NME7: variants seen among roughly 807,000 people sequenced by gnomAD.
The protein encoded by NME7 is NME/NM23 family member 7, also known as nucleoside diphosphate kinase 7.
NME7 carries 41 observed loss-of-function variants against 49.1 expected under a neutral mutation model. That is an observed-to-expected ratio of 0.83 (90% CI 0.65 to 1.08). The LOEUF (loss-of-function observed/expected upper bound fraction) is 1.08, where lower values mean the gene tolerates loss of function less well. Ranked by LOEUF, NME7 falls within the 50% of genes least tolerant of loss-of-function variation. The pLI, the probability that NME7 is intolerant of heterozygous loss-of-function variation, is 0.00. For missense variants in NME7, 423 were observed against 463.4 expected, an observed-to-expected ratio of 0.91 and a Z score of 0.80; for synonymous variants, 139 against 150.6, an observed-to-expected ratio of 0.92 and a Z score of 0.56.
intron 7 of NME7, among the ~76,000 whole-genome samples, chr1:169,262,538 C>T (rs1485994555): frequency 7.5e-6 from 1 of 133,474 alleles, no homozygotes; most frequent in Non-Finnish European, 1.8e-5. Flanking sequence ...CTAGTGAACA[C>T]GGGTTCTGCA....
chr1:169,289,658 A>G (rs562485594), intron 6 of NME7, among the ~76,000 whole-genome samples: 3 of 152,246 alleles, frequency 2.0e-5, no homozygotes, highest in Admixed American at 2.0e-4. Context: ...TTTTTGTCTC[A>G]ACTTTCCTTT....
At position 169,176,754 on chromosome 1, in the gene NME7, C is replaced by A. The variant is rs144805751; in HGVS notation, c.991-7200G>T. On this transcript the variant is annotated intron_variant, in intron 10 of 11. Transcript: ENST00000367811. ...TTGGTTCTTTTTTAAAAGAATTGGGCATTCTTCAGAAGGATGAGCTCAACT... is the reference window on the plus strand; with the variant it reads ...TTGGTTCTTTTTTAAAAGAATTGGGAATTCTTCAGAAGGATGAGCTCAACT... Among the ~76,000 whole-genome samples, 345 of 152,040 alleles carry A rather than the reference C, an allele frequency of 2.3e-3. 5 individuals carry two copies. The highest frequency in any genetic ancestry group is 8.1e-3 in the African/African-American group (334 of 41,448).
intron 7 of NME7, among the ~76,000 whole-genome samples, chr1:169,253,103 G>T (rs962561153): frequency 3.9e-5 from 6 of 152,206 alleles, no homozygotes; most frequent in Admixed American, 6.5e-5. Flanking sequence ...GTGAAGAAAG[G>T]CATTGGTAGC....
intron 6 of NME7, among the ~76,000 whole-genome samples, chr1:169,293,437 C>G (rs1183520370): frequency 6.6e-6 from 1 of 152,012 alleles, no homozygotes; most frequent in Non-Finnish European, 1.5e-5. Context: ...TTATCTCACA[C>G]AATTTATTGA....
intron 4 of NME7, 41 bp from the exon 5 acceptor site, chr1:169,303,236 A>G (rs1651019056): frequency 1.9e-6 from 2 of 1,046,392 alleles, no homozygotes; most frequent in Admixed American, 2.2e-5. Context: ...GAATTATAAA[A>G]TTAAACACTT....
intron 1 of NME7, among the ~76,000 whole-genome samples, chr1:169,345,922 C>CT (rs1652938458): frequency 6.6e-6 from 1 of 152,168 alleles, no homozygotes; most frequent in Non-Finnish European, 1.5e-5. Context: ...CAACGCTATC[C>CT]TTACCATTGC....
At position 169,309,251 on chromosome 1, in the gene NME7, T is replaced by C. The variant is rs116148250; in HGVS notation, c.389+719A>G. 1.9e-3 allele frequency among the ~76,000 whole-genome samples: 293 copies of C among 152,310 alleles called. 4 individuals are homozygous for C. The highest frequency in any genetic ancestry group is 6.8e-3 in the African/African-American group (284 of 41,568). On this transcript the variant is annotated intron_variant, in intron 4 of 11. Coordinates refer to ENST00000367811, the MANE Select transcript of NME7 (RefSeq NM_013330.5). ...TTTGTTGCCTGGTGTAATGCCTACA[T>C]GACAGCTGAATTTCTACCCTGTCCT...
intron 1 of NME7, among the ~76,000 whole-genome samples, chr1:169,327,132 C>T (rs1652088132): frequency 6.6e-6 from 1 of 152,156 alleles, no homozygotes; most frequent in South Asian, 2.1e-4. Context: ...CTTCCAGGGC[C>T]AACTCAAGAG....
chr1:169,132,900 A>T, intron 11 of NME7, 83 bp from the exon 12 acceptor site: 1 of 989,276 alleles, frequency 1.0e-6, no homozygotes. Context: ...GTTGGTCAGG[A>T]CTTCAGACAC....
chr1:169,168,192 T>A (rs1411639445), intron 11 of NME7, among the ~76,000 whole-genome samples: 1 of 152,192 alleles, frequency 6.6e-6, no homozygotes, highest in East Asian at 1.9e-4. Flanking sequence ...CATACACTTG[T>A]CTTTCAAGTC....
At chr1:169,217,471 C>T (rs1384766673) in intron 10 of NME7, among the ~76,000 whole-genome samples, 3 of 152,078 alleles carry the variant, frequency 2.0e-5, no homozygotes, top group South Asian at 4.2e-4. Context: ...ATTAAATTAA[C>T]TATATTGTTA....
chr1:169,277,426 T>C (rs1649782226), intron 7 of NME7, among the ~76,000 whole-genome samples: 1 of 134,064 alleles, frequency 7.5e-6, no homozygotes. Context: ...AATTGATCCC[T>C]TTACCAATAT....
intron 10 of NME7, among the ~76,000 whole-genome samples, chr1:169,203,767 C>A (rs564753399): frequency 6.6e-6 from 1 of 152,146 alleles, no homozygotes; most frequent in East Asian, 1.9e-4. Context: ...TCTCTTTAAC[C>A]CTTAGGGAAG....
At chr1:169,188,401 T>C (rs1660132698) in intron 10 of NME7, among the ~76,000 whole-genome samples, 1 of 152,210 alleles carries the variant, frequency 6.6e-6, no homozygotes, top group African/African-American at 2.4e-5. Flanking sequence ...CTTTGGAAAC[T>C]TGATTGTTCA....
At chr1:169,260,339 A>T (rs943175632) in intron 7 of NME7, among the ~76,000 whole-genome samples, 3 of 133,476 alleles carry the variant, frequency 2.2e-5, no homozygotes, top group Admixed American at 2.2e-4. Context: ...TTTCTGAAAG[A>T]TACTACCTTT....
intron 1 of NME7, among the ~76,000 whole-genome samples, chr1:169,352,234 C>A (rs1653203292): frequency 6.6e-6 from 1 of 151,908 alleles, no homozygotes; most frequent in Non-Finnish European, 1.5e-5. Context: ...TTCATCATGA[C>A]CAAGTGGGAT....
At chr1:169,206,810 T>C (rs1660686602) in intron 10 of NME7, among the ~76,000 whole-genome samples, 2 of 152,202 alleles carry the variant, frequency 1.3e-5, no homozygotes, top group Non-Finnish European at 2.9e-5. Flanking sequence ...ATATGTACAA[T>C]TGTAATGCAA....
chr1:169,345,131 T>C (rs899418926), intron 1 of NME7, among the ~76,000 whole-genome samples: 1 of 152,210 alleles, frequency 6.6e-6, no homozygotes, highest in South Asian at 2.1e-4. Context: ...TTGTTCATAG[T>C]ATTCCCTTAT....
chr1:169,178,876 A>G (rs1286826441), intron 10 of NME7, among the ~76,000 whole-genome samples: 1 of 140,544 alleles, frequency 7.1e-6, no homozygotes, highest in East Asian at 2.2e-4. Context: ...GCTGGAGTGC[A>G]GTGGCACAAT....
Sources: gnomAD v4.1 joint callset for allele counts (sites outside exome capture counted in the v4.1 genomes callset) on GRCh38, gnomAD v4.1.1 for gene constraint, MANE v1.5 for transcripts, NCBI Gene and HGNC (gene_info 2026-07-23, HGNC 2026-07-21) for gene names.